Variants in ZFYVE16 observed in about 807,000 individuals in gnomAD.
The protein encoded by ZFYVE16 is zinc finger FYVE-type containing 16.
Under a neutral mutation model 138.1 loss-of-function variants are expected in ZFYVE16, and 89 were observed. The observed-to-expected ratio is 0.64, with a 90% CI of 0.54 to 0.77. The LOEUF (loss-of-function observed/expected upper bound fraction) is 0.77. Ranked by LOEUF, ZFYVE16 falls within the 30% of genes least tolerant of loss-of-function variation. ZFYVE16 has a pLI of 0.00. For missense variants in ZFYVE16, 1,793 were observed against 1,786.7 expected, an observed-to-expected ratio of 1.00 and a Z score of -0.06; for synonymous variants, 596 against 618.3, an observed-to-expected ratio of 0.96 and a Z score of 0.53.
intron 6 of ZFYVE16, chr5:80,443,892 A>G (rs1363203292): frequency 8.8e-6 from 4 of 455,630 alleles, no homozygotes; most frequent in African/African-American, 8.0e-5. Flanking sequence ...CCCACTGTAG[A>G]GGGTGAGCTT....
Position 80,439,027 on chromosome 5 carries a change from TAA to T in ZFYVE16, c.2322+21_2322+22del, listed in dbSNP as rs769302311. ...GGGAAAGTAAGTTATAAAAATCTTT[TAA>T]GTCTTTTGTTCTTTTGAGACATTTT... On this transcript the variant is annotated intron_variant, in intron 4 of 18. Transcript: ENST00000505560. 2 of 1,585,544 alleles carry T rather than the reference TAA, an allele frequency of 1.3e-6. No homozygotes were observed. Among genetic ancestry groups the T allele is most frequent in the African/African-American group, 2.7e-5 (2 of 73,278 alleles).
chr5:80,454,027 G>C (rs957371336), intron 11 of ZFYVE16: 1 of 152,124 alleles, frequency 6.6e-6, no homozygotes, highest in Non-Finnish European at 1.5e-5. Context: ...AAGGCAAAAA[G>C]CTAGCAGTTA....
chr5:80,458,055 G>A (rs950923039), intron 14 of ZFYVE16, among the ~76,000 whole-genome samples: 13 of 148,986 alleles, frequency 8.7e-5, no homozygotes, highest in African/African-American at 3.2e-4. Flanking sequence ...AAAAAAAAAG[G>A]TGGTAAAAGG....
intron 5 of ZFYVE16, chr5:80,442,906 T>A (rs1313038233): frequency 2.1e-6 from 1 of 469,128 alleles, no homozygotes; most frequent in Non-Finnish European, 3.7e-6. Flanking sequence ...AATATTGAAA[T>A]AACTTATTGG....
At chr5:80,433,717 A>AAT (rs1343399225) in intron 2 of ZFYVE16, among the ~76,000 whole-genome samples, 1 of 152,136 alleles carries the variant, frequency 6.6e-6, no homozygotes, top group African/African-American at 2.4e-5. Flanking sequence ...AAAAGCATTT[A>AAT]AGGCTCTAAG....
Position 80,477,290 on chromosome 5 carries a change from G to A in ZFYVE16, c.4533G>A (p.Leu1511=). 1 of 1,609,904 alleles carries A rather than the reference G, an allele frequency of 6.2e-7. No homozygotes were observed. Among genetic ancestry groups the A allele is most frequent in the Non-Finnish European group, 8.5e-7 (1 of 1,178,750 alleles). ...ATCTAAATGATCTTGATAGTGCTCT[G>A]ATACCTGTGATCCATGGTGGGACCT... is the stretch of plus-strand genomic sequence containing the variant. ...QHYLNDLDSA[L]IPVIHGGTSN... Residue 1511 remains leucine, a synonymous_variant, in exon 19 of 19, where the codon CTG becomes CTA. Transcript: ENST00000505560.
chr5:80,433,341 A>G (rs1363289626), intron 2 of ZFYVE16, among the ~76,000 whole-genome samples: 17 of 152,232 alleles, frequency 1.1e-4, no homozygotes, highest in Admixed American at 1.1e-3. Context: ...GCAAGGACGA[A>G]AAACCAAACA....
chr5:80,426,240 GTC>G (rs1240938814), intron 1 of ZFYVE16, among the ~76,000 whole-genome samples: 25 of 124,550 alleles, frequency 2.0e-4, no homozygotes, highest in Middle Eastern at 3.8e-3. Flanking sequence ...ATGTGTGTGT[GTC>G]TGTGTGTGTG....
At chr5:80,441,608 A>G (rs1750719456) in intron 5 of ZFYVE16, 1 of 985,408 alleles carries the variant, frequency 1.0e-6, no homozygotes. Flanking sequence ...GAAGGATTGG[A>G]AGAAAAAGAT....
intron 2 of ZFYVE16, among the ~76,000 whole-genome samples, chr5:80,433,399 G>T (rs1176298850): frequency 6.6e-6 from 1 of 152,102 alleles, no homozygotes; most frequent in African/African-American, 2.4e-5. Context: ...AGAACACCTG[G>T]ACACAGGAAG....
chr5:80,450,222 T>C (rs529899119), intron 9 of ZFYVE16, among the ~76,000 whole-genome samples: 1 of 151,462 alleles, frequency 6.6e-6, no homozygotes, highest in South Asian at 2.1e-4. Flanking sequence ...GTGCATCTTT[T>C]ATTTTAGTGT....
Position 80,478,214 on chromosome 5 carries a change from T to A in ZFYVE16, c.*837T>A, listed in dbSNP as rs1394477030. ...ACTATACCACTGTATTTACCACTTCTAAGAGTGACTGACGACGGGCCAGAT... is the reference window on the plus strand; with the variant it reads ...ACTATACCACTGTATTTACCACTTCAAAGAGTGACTGACGACGGGCCAGAT... On this transcript the variant is annotated 3_prime_UTR_variant, in exon 19 of 19. Coordinates refer to ENST00000505560, the MANE Select transcript of ZFYVE16 (RefSeq NM_001284236.3). 1 of 152,082 alleles carries A rather than the reference T, an allele frequency of 6.6e-6. No homozygotes were observed. Among genetic ancestry groups the A allele is most frequent in the East Asian group, 1.9e-4 (1 of 5,198 alleles). 9.4% of individuals were successfully genotyped at this position (152,082 alleles called of 1,614,324 possible).
intron 2 of ZFYVE16, among the ~76,000 whole-genome samples, chr5:80,428,924 C>T (rs1402156615): frequency 8.5e-5 from 13 of 152,054 alleles, no homozygotes; most frequent in Admixed American, 2.0e-4. Context: ...TAAAAAGAAA[C>T]GAACAAAGCC....
rs536680250 is a variant in ZFYVE16 at position 80,474,960 on chromosome 5, C to G, written c.4461+130C>G. 1,131 of 960,194 alleles carry G rather than the reference C, an allele frequency of 1.2e-3. 3 individuals carry two copies. Among genetic ancestry groups the G allele is most frequent in the Non-Finnish European group, 1.6e-3 (1,060 of 667,528 alleles). 59.5% of individuals were successfully genotyped at this position (960,194 alleles called of 1,614,324 possible). ...AGCATCAAATGTGTGCTACACACTT[C>G]ACATATATTATCTGTATTAGTCTCC... On this transcript the variant is annotated intron_variant, in intron 18 of 18. Transcript: ENST00000505560.
At chr5:80,442,673 A>G (rs259031) in intron 5 of ZFYVE16, among the ~76,000 whole-genome samples, 125,255 of 152,136 alleles carry the variant, frequency 0.82, 52,939 homozygotes, top group East Asian at 0.92. Context: ...GGAGGAGGTA[A>G]GGATGAATTA....
intron 18 of ZFYVE16, among the ~76,000 whole-genome samples, chr5:80,476,167 C>T (rs543597963): frequency 9.5e-4 from 144 of 152,318 alleles, no homozygotes; most frequent in Non-Finnish European, 1.7e-3. Flanking sequence ...CGGTCTTGAA[C>T]TCTTGACCTC....
At chr5:80,471,913 A>G (rs1754422586) in intron 15 of ZFYVE16, among the ~76,000 whole-genome samples, 1 of 152,174 alleles carries the variant, frequency 6.6e-6, no homozygotes, top group South Asian at 2.1e-4. Flanking sequence ...CTCAGTCTTC[A>G]AATCTATTTT....
intron 2 of ZFYVE16, among the ~76,000 whole-genome samples, chr5:80,428,319 C>G (rs1259511158): frequency 6.6e-6 from 1 of 152,210 alleles, no homozygotes; most frequent in African/African-American, 2.4e-5. Flanking sequence ...GTTCTGCAGC[C>G]TCCGCTGCTG....
chr5:80,464,140 T>C (rs539053476), intron 15 of ZFYVE16, among the ~76,000 whole-genome samples: 2 of 152,200 alleles, frequency 1.3e-5, no homozygotes, highest in Non-Finnish European at 2.9e-5. Context: ...TAAGTATCTT[T>C]ATAGCAACAC....
Sources: gnomAD v4.1 joint callset for allele counts (sites outside exome capture counted in the v4.1 genomes callset) on GRCh38, gnomAD v4.1.1 for gene constraint, MANE v1.5 for transcripts, NCBI Gene and HGNC (gene_info 2026-07-23, HGNC 2026-07-21) for gene names.